The following MAML3 variants were observed in gnomAD, a reference collection of about 807,000 sequenced individuals.
MAML3 encodes mastermind-like protein 3.
MAML3 carries 27 observed loss-of-function variants against 101.9 expected under a neutral mutation model. That is an observed-to-expected ratio of 0.27 (90% CI 0.20 to 0.37). The LOEUF is 0.37. Ranked by LOEUF, MAML3 falls within the 10% of genes least tolerant of loss-of-function variation. The pLI, the probability that MAML3 is intolerant of heterozygous loss-of-function variation, is 1.00. For missense variants in MAML3, 1,316 were observed against 1,444.9 expected (o/e 0.91, Z 1.45); for synonymous variants, 501 against 555.9 (o/e 0.90, Z 1.39).
intron 1 of MAML3, among the ~76,000 whole-genome samples, chr4:140,009,972 T>C (rs906281315): frequency 2.6e-5 from 4 of 152,224 alleles, no homozygotes; most frequent in Admixed American, 2.6e-4. Context: ...CAACTTTGGT[T>C]ATCCAGAGAA....
chr4:139,724,758 A>G (rs148928197), intron 4 of MAML3, among the ~76,000 whole-genome samples: 24 of 147,980 alleles, frequency 1.6e-4, no homozygotes, highest in African/African-American at 5.7e-4. Context: ...TTCACCCCAT[A>G]TAAGACCCTC....
chr4:139,889,742 G>C lies in MAML3; in HGVS notation c.1694C>G (p.Thr565Arg). ...ATTCTGAGGGAGGTAGTTATTCATT[G>C]TTGTCTTCTGCAGGTTGTTTGCCAT... ...PPMANNLQKTTMNNYLPQNHM... is the reference protein window; with the variant it reads ...PPMANNLQKTRMNNYLPQNHM... The change falls in exon 2 of 5, where the codon ACA (threonine) becomes AGA (arginine). Residue 565 changes from threonine to arginine, a missense_variant. Transcript: ENST00000509479. The C allele has an allele frequency of 6.2e-7, 1 of 1,614,004 alleles. No homozygotes were observed. Among genetic ancestry groups the C allele is most frequent in the Non-Finnish European group, 8.5e-7 (1 of 1,179,890 alleles).
chr4:140,025,207 A>G (rs1286625725), intron 1 of MAML3, among the ~76,000 whole-genome samples: 1 of 152,240 alleles, frequency 6.6e-6, no homozygotes, highest in Non-Finnish European at 1.5e-5. Flanking sequence ...GTTAGGTATT[A>G]GATGATACTA....
At chr4:139,770,113 G>A (rs1019657092) in intron 2 of MAML3, among the ~76,000 whole-genome samples, 1 of 151,628 alleles carries the variant, frequency 6.6e-6, no homozygotes, top group African/African-American at 2.4e-5. Flanking sequence ...TTTTATTTTT[G>A]TAGAGACAGG....
At chr4:140,095,126 C>T (rs1036876771) in intron 1 of MAML3, among the ~76,000 whole-genome samples, 1 of 152,244 alleles carries the variant, frequency 6.6e-6, no homozygotes, top group Non-Finnish European at 1.5e-5. Context: ...TCTCAAAGGA[C>T]GTCACAGAGT....
chr4:139,943,863 A>ATTT (rs1560844242), intron 1 of MAML3, among the ~76,000 whole-genome samples: 1 of 75,612 alleles, frequency 1.3e-5, no homozygotes, highest in African/African-American at 6.2e-5. Context: ...CCTAAAGACA[A>ATTT]CTTTTTTTTT....
intron 1 of MAML3, among the ~76,000 whole-genome samples, chr4:139,968,517 T>C (rs1189167979): frequency 6.6e-6 from 1 of 152,068 alleles, no homozygotes; most frequent in Non-Finnish European, 1.5e-5. Flanking sequence ...GGCAAAACCA[T>C]TCTTACAGTA....
chr4:139,947,632 A>G (rs1346902417), intron 1 of MAML3, among the ~76,000 whole-genome samples: 1 of 152,152 alleles, frequency 6.6e-6, no homozygotes, highest in Non-Finnish European at 1.5e-5. Context: ...GGCTTAATTA[A>G]CCTTTTAATT....
At chr4:139,920,046 CTAAA>C (rs1201222694) in intron 1 of MAML3, among the ~76,000 whole-genome samples, 1 of 152,148 alleles carries the variant, frequency 6.6e-6, no homozygotes, top group African/African-American at 2.4e-5. Flanking sequence ...TTTTTCTAAC[CTAAA>C]TAAACTTGGT....
At chr4:140,100,143 C>T (rs900713675) in intron 1 of MAML3, among the ~76,000 whole-genome samples, 2 of 151,968 alleles carry the variant, frequency 1.3e-5, no homozygotes, top group East Asian at 1.9e-4. Flanking sequence ...GCCACTCCTC[C>T]GGGATGCCAG....
intron 2 of MAML3, among the ~76,000 whole-genome samples, chr4:139,796,559 T>G (rs1165065297): frequency 6.6e-6 from 1 of 152,204 alleles, no homozygotes; most frequent in Non-Finnish European, 1.5e-5. Flanking sequence ...GGTGTGAACC[T>G]TGTGGCTCCA....
intron 1 of MAML3, among the ~76,000 whole-genome samples, chr4:140,121,644 T>A (rs1251823508): frequency 6.6e-6 from 1 of 152,216 alleles, no homozygotes; most frequent in Non-Finnish European, 1.5e-5. Flanking sequence ...TCCCTCAAAG[T>A]GATATCTAAG....
At position 139,890,311 on chromosome 4, in the gene MAML3, C is replaced by G. The variant is rs1732447998; in HGVS notation, c.1125G>C (p.Gln375His). The G allele has an allele frequency of 1.2e-6, 2 of 1,613,086 alleles. No homozygotes were observed. The highest frequency in any genetic ancestry group is 1.7e-6 in the Non-Finnish European group (2 of 1,179,404). ...GAGGACCAGAAGAAGAAGGCCTCGC[C>G]TGGGGAGATCCCATGGAGACATGTG... ...PFAHVSMGSP[Q>H]ARPSSSGPPF... Residue 375 changes from glutamine (Q) to histidine (H), a missense_variant, in exon 2 of 5, where the codon CAG (glutamine) becomes CAC (histidine). Transcript: ENST00000509479. The surrounding 1 kb of genome is among the most constrained non-coding windows in gnomAD (Gnocchi z 4.1).
intron 1 of MAML3, among the ~76,000 whole-genome samples, chr4:139,977,041 C>A (rs1248199258): frequency 1.3e-5 from 2 of 152,136 alleles, no homozygotes; most frequent in Non-Finnish European, 2.9e-5. Flanking sequence ...AGGGCAGAGC[C>A]TCATGAATGG....
chr4:139,938,778 T>A (rs1313722564), intron 1 of MAML3, among the ~76,000 whole-genome samples: 3 of 152,246 alleles, frequency 2.0e-5, no homozygotes, highest in Admixed American at 1.3e-4. Flanking sequence ...GGATATTATA[T>A]GTATTGTAAT....
chr4:140,107,640 G>A (rs1389111755), intron 1 of MAML3, among the ~76,000 whole-genome samples: 2 of 151,576 alleles, frequency 1.3e-5, no homozygotes, highest in Non-Finnish European at 2.9e-5. Context: ...GAGTAGCTGG[G>A]ATTACAGGCG....
intron 1 of MAML3, among the ~76,000 whole-genome samples, chr4:140,037,050 G>A (rs1331568939): frequency 6.6e-6 from 1 of 151,940 alleles, no homozygotes; most frequent in Non-Finnish European, 1.5e-5. Context: ...GCCCTGCTTG[G>A]GGGAAATAGA....
chr4:139,916,496 C>T (rs1237515464), intron 1 of MAML3, among the ~76,000 whole-genome samples: 1 of 152,206 alleles, frequency 6.6e-6, no homozygotes, highest in African/African-American at 2.4e-5. Flanking sequence ...CTGGTGACCA[C>T]TTTCCAGGGA....
intron 1 of MAML3, among the ~76,000 whole-genome samples, chr4:140,025,576 C>A (rs1726808459): frequency 2.6e-5 from 4 of 152,074 alleles, no homozygotes; most frequent in Admixed American, 2.6e-4. Flanking sequence ...AGTTCACTTC[C>A]CCTAGGACTG....
Sources: allele counts gnomAD v4.1 joint callset (sites outside exome capture counted in the v4.1 genomes callset), GRCh38; gene constraint gnomAD v4.1.1; non-coding constraint Gnocchi (gnomAD v3.1); transcripts MANE v1.5; gene names NCBI Gene and HGNC (gene_info 2026-07-23, HGNC 2026-07-21).